FSTL4: variants seen among roughly 807,000 people sequenced by gnomAD.
FSTL4 encodes follistatin like 4.
A neutral mutation model predicts 78.2 loss-of-function variants in FSTL4; 28 were observed. The ratio of observed to expected loss-of-function variants is 0.36; its 90% CI spans 0.27 to 0.49. FSTL4 has a LOEUF of 0.49. FSTL4 is among the 20% of genes least tolerant of loss of function. The pLI, the probability that FSTL4 is intolerant of heterozygous loss-of-function variation, is 0.98. For synonymous variants in FSTL4, 422 were observed against 440.5 expected (o/e 0.96, Z 0.53); for missense variants, 922 against 1,084.9 (o/e 0.85, Z 2.11).
chr5:133,218,275 C>A (rs1367741741), intron 12 of FSTL4, among the ~76,000 whole-genome samples: 1 of 152,172 alleles, frequency 6.6e-6, no homozygotes, highest in South Asian at 2.1e-4. Flanking sequence ...TTTACCTTCA[C>A]AATATATCCA....
At chr5:133,474,469 C>T (rs549749609) in intron 3 of FSTL4, among the ~76,000 whole-genome samples, 23 of 152,188 alleles carry the variant, frequency 1.5e-4, no homozygotes, top group Admixed American at 1.4e-3. Flanking sequence ...ATGCACAGGC[C>T]AGTGGAAAAT....
At chr5:133,824,164 A>G in the FSTL4 span, among the ~76,000 whole-genome samples, 1 of 152,190 alleles carries the variant, frequency 6.6e-6, no homozygotes, top group African/African-American at 2.4e-5. Flanking sequence ...TCTTCAATTC[A>G]GTTCTGACAC....
intron 6 of FSTL4, chr5:133,252,366 T>G (rs986238927): frequency 6.6e-6 from 1 of 152,090 alleles, no homozygotes; most frequent in African/African-American, 2.4e-5. Flanking sequence ...GCTTCTCAGG[T>G]GCGGCTCCCC....
chr5:133,411,832 A>G (rs906488460), intron 3 of FSTL4, among the ~76,000 whole-genome samples: 2 of 152,190 alleles, frequency 1.3e-5, no homozygotes, highest in Admixed American at 1.3e-4. Context: ...CAGTGAAAAA[A>G]TATTAAAATT....
chr5:133,662,970 T>TA, the FSTL4 span, among the ~76,000 whole-genome samples: 217 of 151,618 alleles, frequency 1.4e-3, no homozygotes, highest in African/African-American at 4.8e-3. Flanking sequence ...TACCCTGAGT[T>TA]AAAAAAAAAG....
the FSTL4 span, among the ~76,000 whole-genome samples, chr5:133,644,143 A>G: frequency 1.3e-5 from 2 of 152,242 alleles, no homozygotes; most frequent in Admixed American, 6.5e-5. Context: ...CTAGGAGAAA[A>G]GAAGGTTCAC....
intron 3 of FSTL4, among the ~76,000 whole-genome samples, chr5:133,489,493 T>C (rs1758213379): frequency 6.6e-6 from 1 of 152,210 alleles, no homozygotes; most frequent in African/African-American, 2.4e-5. Flanking sequence ...TAGAATGCCT[T>C]TGAGGTACTA....
chr5:133,412,871 T>G (rs551631481), intron 3 of FSTL4, among the ~76,000 whole-genome samples: 1 of 152,286 alleles, frequency 6.6e-6, no homozygotes, highest in Non-Finnish European at 1.5e-5. Context: ...CCCACGATAT[T>G]TAGTTACACC....
chr5:133,370,978 C>G (rs2126943128), intron 4 of FSTL4, among the ~76,000 whole-genome samples: 1 of 152,322 alleles, frequency 6.6e-6, no homozygotes, highest in South Asian at 2.1e-4. Flanking sequence ...GGGTTCCCAG[C>G]ACAGACGTGA....
At chr5:133,211,443 A>ATCTT (rs1183730223) in intron 13 of FSTL4, among the ~76,000 whole-genome samples, 1 of 152,058 alleles carries the variant, frequency 6.6e-6, no homozygotes, top group Non-Finnish European at 1.5e-5. Flanking sequence ...GGTTTCAATG[A>ATCTT]TCTTTTCCTC....
At chr5:133,373,784 GCAC>G (rs949306884) in intron 4 of FSTL4, among the ~76,000 whole-genome samples, 2 of 152,196 alleles carry the variant, frequency 1.3e-5, no homozygotes, top group African/African-American at 4.8e-5. Flanking sequence ...AACAGCACAA[GCAC>G]CTGAGCAGCA....
intron 6 of FSTL4, among the ~76,000 whole-genome samples, chr5:133,310,419 C>T (rs1188225698): frequency 6.6e-6 from 1 of 152,208 alleles, no homozygotes; most frequent in Non-Finnish European, 1.5e-5. Context: ...CTTCCCTTTC[C>T]AGGGTAGCTC....
intron 3 of FSTL4, among the ~76,000 whole-genome samples, chr5:133,566,208 AAT>A (rs909807869): frequency 2.6e-5 from 4 of 152,198 alleles, no homozygotes; most frequent in Non-Finnish European, 5.9e-5. Context: ...AGCTGGACTC[AAT>A]ATAGTGTGAA....
the FSTL4 span, among the ~76,000 whole-genome samples, chr5:133,776,363 T>C: frequency 1.3e-5 from 2 of 152,220 alleles, no homozygotes; most frequent in East Asian, 3.8e-4. Flanking sequence ...CTCTTATGGC[T>C]ACAGCTCTCC....
At chr5:133,298,147 C>A (rs2126875028) in intron 6 of FSTL4, among the ~76,000 whole-genome samples, 1 of 152,326 alleles carries the variant, frequency 6.6e-6, no homozygotes, top group Non-Finnish European at 1.5e-5. Flanking sequence ...TGGGCCTCAT[C>A]TATAAAAAGG....
At chr5:133,769,158 A>G in the FSTL4 span, among the ~76,000 whole-genome samples, 4 of 152,222 alleles carry the variant, frequency 2.6e-5, no homozygotes, top group East Asian at 7.7e-4. Flanking sequence ...ACATCAAAAG[A>G]CAGGATTTGA....
intron 2 of FSTL4, among the ~76,000 whole-genome samples, chr5:133,585,151 C>G (rs1461110164): frequency 1.1e-5 from 1 of 91,274 alleles, no homozygotes; most frequent in African/African-American, 3.9e-5. Context: ...TGGAAAGGAA[C>G]AACCAGTACC....
the FSTL4 span, among the ~76,000 whole-genome samples, chr5:133,773,465 C>T: frequency 6.6e-6 from 1 of 152,144 alleles, no homozygotes; most frequent in African/African-American, 2.4e-5. Flanking sequence ...AGAGGGTAGA[C>T]AGAGAGAGAA....
intron 3 of FSTL4, among the ~76,000 whole-genome samples, chr5:133,486,414 G>C (rs1158920222): frequency 6.6e-6 from 1 of 151,298 alleles, no homozygotes. Context: ...GGCAGAGGAG[G>C]GGGGATTGAT....
Sources: gnomAD v4.1 joint callset for allele counts (sites outside exome capture counted in the v4.1 genomes callset) on GRCh38, gnomAD v4.1.1 for gene constraint, MANE v1.5 for transcripts, NCBI Gene and HGNC (gene_info 2026-07-23, HGNC 2026-07-21) for gene names.